The following TMEM72 variants were observed in gnomAD, a reference collection of about 807,000 sequenced individuals.
TMEM72 encodes kidney-specific secretory protein of 37 kDa.
TMEM72 carries 9 observed loss-of-function variants against 16.3 expected under a neutral mutation model. The observed-to-expected ratio is 0.55, with a 90% CI of 0.33 to 0.96. The LOEUF (loss-of-function observed/expected upper bound fraction) is 0.96, where lower values mean the gene tolerates loss of function less well. TMEM72 is among the 40% of genes least tolerant of loss of function. The probability of loss-of-function intolerance (pLI) is 0.03; values close to 1 mark genes in which losing one functional copy is unlikely to be tolerated. For missense variants in TMEM72, 324 were observed against 337.8 expected, an observed-to-expected ratio of 0.96 and a Z score of 0.32; for synonymous variants, 160 against 146.5, an observed-to-expected ratio of 1.09 and a Z score of -0.66.
At chr10:44,933,875 G>A in intron 4 of TMEM72, 99 bp downstream of exon 4, 1 of 1,424,804 alleles carries the variant, frequency 7.0e-7, no homozygotes. Context: ...GTGGCTCCAG[G>A]GACCTTACCT....
intron 4 of TMEM72, among the ~76,000 whole-genome samples, 180 bp downstream of exon 4, chr10:44,933,956 G>A (rs1023196461): frequency 2.6e-5 from 4 of 152,180 alleles, no homozygotes; most frequent in African/African-American, 7.2e-5. Flanking sequence ...ACTCCATGCT[G>A]ATCAAATGGC....
At chr10:44,915,554 A>C (rs1026982494) in intron 1 of TMEM72, among the ~76,000 whole-genome samples, 9 of 152,142 alleles carry the variant, frequency 5.9e-5, no homozygotes, top group Admixed American at 2.6e-4. Flanking sequence ...AGGATTAAAA[A>C]GCATGTCCCA....
At chr10:44,920,733 CA>C (rs1265869470) in intron 1 of TMEM72, among the ~76,000 whole-genome samples, 3 of 152,332 alleles carry the variant, frequency 2.0e-5, no homozygotes, top group Admixed American at 1.3e-4. Flanking sequence ...TGCATTTGTG[CA>C]GCACTCTCAT....
chr10:44,925,405 C>T (rs555155889), intron 1 of TMEM72, among the ~76,000 whole-genome samples: 1 of 152,236 alleles, frequency 6.6e-6, no homozygotes, highest in Non-Finnish European at 1.5e-5. Flanking sequence ...AATTGGCCAA[C>T]ATGACGTGTC....
chr10:44,931,972 C>A, intron 2 of TMEM72, 26 bp from the exon 3 acceptor site: 1 of 1,604,866 alleles, frequency 6.2e-7, no homozygotes, highest in South Asian at 1.1e-5. Flanking sequence ...GAGGCGCCAG[C>A]CTCCCTCACC....
intron 1 of TMEM72, among the ~76,000 whole-genome samples, chr10:44,914,470 A>C (rs986304179): frequency 1.3e-5 from 2 of 152,142 alleles, no homozygotes; most frequent in Admixed American, 6.5e-5. Context: ...CGCCCGTGTG[A>C]TGTCTAAGTG....
At chr10:44,928,743 CACCCATCTATCTATCT>C (rs1297025361) in intron 2 of TMEM72, among the ~76,000 whole-genome samples, 160 of 115,624 alleles carry the variant, frequency 1.4e-3, no homozygotes, top group African/African-American at 5.3e-3. Flanking sequence ...TCCATACACC[CACCCATCTATCTATCT>C]ACCCATCTAT....
chr10:44,931,901 T>C, intron 2 of TMEM72, 97 bp from the exon 3 acceptor site: 1 of 1,224,858 alleles, frequency 8.2e-7, no homozygotes, highest in Non-Finnish European at 1.2e-6. Context: ...CCATTGGCTG[T>C]AGATGTGATG....
chr10:44,912,106 C>T (rs1334816269), intron 1 of TMEM72, among the ~76,000 whole-genome samples: 2 of 152,214 alleles, frequency 1.3e-5, no homozygotes, highest in Admixed American at 6.5e-5. Flanking sequence ...CGGGCCCATG[C>T]TGGACCCTGT....
At chr10:44,934,227 C>T (rs1044758976) in intron 4 of TMEM72, among the ~76,000 whole-genome samples, 20 of 152,104 alleles carry the variant, frequency 1.3e-4, no homozygotes, top group Non-Finnish European at 2.8e-4. Flanking sequence ...TTCCACTTCA[C>T]GGGTGCATAC....
chr10:44,931,318 T>C (rs1210630482), intron 2 of TMEM72, among the ~76,000 whole-genome samples: 1 of 152,232 alleles, frequency 6.6e-6, no homozygotes, highest in African/African-American at 2.4e-5. Flanking sequence ...CCATGAATTC[T>C]ACACATTCCT....
chr10:44,933,870 TC>T, intron 4 of TMEM72, 94 bp downstream of exon 4: 1 of 1,442,660 alleles, frequency 6.9e-7, no homozygotes, highest in Non-Finnish European at 9.2e-7. Flanking sequence ...CAGTGGTGGC[TC>T]CAGGGACCTT....
intron 1 of TMEM72, among the ~76,000 whole-genome samples, chr10:44,914,003 A>T (rs575628234): frequency 9.2e-5 from 14 of 152,322 alleles, no homozygotes; most frequent in African/African-American, 3.1e-4. Flanking sequence ...CTAAGAGGCT[A>T]CAGCCTCTCA....
At chr10:44,928,685 T>C (rs767629271) in intron 2 of TMEM72, among the ~76,000 whole-genome samples, 12 of 100,562 alleles carry the variant, frequency 1.2e-4, no homozygotes, top group South Asian at 3.4e-4. Context: ...CACCCACCTA[T>C]CCATTTATTC....
chr10:44,929,809 CCAAG>C (rs1294948005), intron 2 of TMEM72, among the ~76,000 whole-genome samples: 1 of 152,268 alleles, frequency 6.6e-6, no homozygotes, highest in Non-Finnish European at 1.5e-5. Context: ...TGTTGGGTGC[CCAAG>C]CACCGTCCAC....
At chr10:44,933,420 G>T (rs1038447904) in intron 3 of TMEM72, among the ~76,000 whole-genome samples, 2 of 152,248 alleles carry the variant, frequency 1.3e-5, no homozygotes, top group African/African-American at 2.4e-5. Flanking sequence ...AGAAAAACAG[G>T]TCTGGGCAGC....
At chr10:44,934,512 C>A in intron 4 of TMEM72, 144 bp from the exon 5 acceptor site, 1 of 757,226 alleles carries the variant, frequency 1.3e-6, no homozygotes, top group Non-Finnish European at 2.0e-6. Context: ...TGAGGACAAG[C>A]CAGGCAAGAG....
At chr10:44,916,039 TGAG>T (rs1297444099) in intron 1 of TMEM72, among the ~76,000 whole-genome samples, 2 of 152,160 alleles carry the variant, frequency 1.3e-5, no homozygotes, top group African/African-American at 4.8e-5. Context: ...ATTTTACAAA[TGAG>T]GAAACTGAAG....
intron 1 of TMEM72, 147 bp downstream of exon 1, chr10:44,911,729 C>T: frequency 1.2e-6 from 1 of 863,404 alleles, no homozygotes; most frequent in Non-Finnish European, 1.8e-6. Flanking sequence ...AGAAACACTG[C>T]TCTGTAGAGC....
Sources: gnomAD v4.1 joint callset for allele counts (sites outside exome capture counted in the v4.1 genomes callset) on GRCh38, gnomAD v4.1.1 for gene constraint, MANE v1.5 for transcripts, NCBI Gene and HGNC (gene_info 2026-07-23, HGNC 2026-07-21) for gene names.